Variants in GALNT13 observed in about 807,000 individuals in gnomAD.
GALNT13 encodes the protein UDP-GalNAc:polypeptide N-acetylgalactosaminyltransferase 13.
In GALNT13, 28 loss-of-function variants were observed where a neutral mutation model predicts 64.2. That is an observed-to-expected ratio of 0.44 (90% CI 0.32 to 0.60). GALNT13 has a LOEUF of 0.60. Ranked by LOEUF, GALNT13 falls within the 20% of genes least tolerant of loss-of-function variation. The pLI, the probability that GALNT13 is intolerant of heterozygous loss-of-function variation, is 0.05. For missense variants in GALNT13, 577 were observed against 669.8 expected (o/e 0.86, Z 1.53); for synonymous variants, 214 against 224.6 (o/e 0.95, Z 0.42).
intron 3 of GALNT13, among the ~76,000 whole-genome samples, chr2:153,975,230 A>G (rs1694001702): frequency 1.3e-5 from 2 of 152,024 alleles, no homozygotes; most frequent in Admixed American, 1.3e-4. Context: ...GTGATTATTC[A>G]TTCCTAACAA....
chr2:153,345,731 T>G, the GALNT13 span, among the ~76,000 whole-genome samples: 107 of 136,838 alleles, frequency 7.8e-4, 2 homozygotes, highest in Middle Eastern at 3.6e-3. Context: ...CCTTCCTTCC[T>G]TCCTTCCTTC....
chr2:153,670,482 C>A, the GALNT13 span, among the ~76,000 whole-genome samples: 1 of 152,186 alleles, frequency 6.6e-6, no homozygotes, highest in African/African-American at 2.4e-5. Context: ...GGAAAACTAA[C>A]AAACAGAAAG....
the GALNT13 span, among the ~76,000 whole-genome samples, chr2:153,168,612 GT>G: frequency 6.6e-6 from 1 of 152,144 alleles, no homozygotes; most frequent in Non-Finnish European, 1.5e-5. Context: ...TAATAATACT[GT>G]TGTTTACTCT....
chr2:153,248,719 G>A, the GALNT13 span, among the ~76,000 whole-genome samples: 1 of 151,652 alleles, frequency 6.6e-6, no homozygotes, highest in Non-Finnish European at 1.5e-5. Flanking sequence ...AGGAGGCTGA[G>A]GCAGGATAAT....
the GALNT13 span, among the ~76,000 whole-genome samples, chr2:153,274,750 G>A: frequency 4.6e-5 from 7 of 152,180 alleles, no homozygotes; most frequent in East Asian, 3.9e-4. Context: ...TTGAAGTCAC[G>A]TTTTTAAATA....
At chr2:153,264,337 T>C in the GALNT13 span, among the ~76,000 whole-genome samples, 13 of 152,150 alleles carry the variant, frequency 8.5e-5, no homozygotes, top group African/African-American at 3.1e-4. Context: ...ACACTGTTGG[T>C]GGGAATGTAA....
chr2:153,878,998 C>A (rs1301629571), intron 1 of GALNT13, among the ~76,000 whole-genome samples: 1 of 152,080 alleles, frequency 6.6e-6, no homozygotes, highest in Admixed American at 6.6e-5. Flanking sequence ...TGTTCAGGTC[C>A]CACTGATACA....
chr2:154,212,898 G>C (rs953429727), intron 4 of GALNT13, among the ~76,000 whole-genome samples: 3 of 151,678 alleles, frequency 2.0e-5, no homozygotes, highest in African/African-American at 7.3e-5. Flanking sequence ...AATCTCAATG[G>C]TAGAAATAGA....
At chr2:153,198,790 T>G in the GALNT13 span, among the ~76,000 whole-genome samples, 1 of 152,324 alleles carries the variant, frequency 6.6e-6, no homozygotes, top group Admixed American at 6.5e-5. Flanking sequence ...AGATATCACC[T>G]TCCTCAGAAA....
chr2:154,024,357 TCA>T (rs2105288038), intron 3 of GALNT13, among the ~76,000 whole-genome samples: 1 of 152,332 alleles, frequency 6.6e-6, no homozygotes, highest in South Asian at 2.1e-4. Flanking sequence ...TTTGGTCTTT[TCA>T]CATAGTCCCA....
intron 8 of GALNT13, among the ~76,000 whole-genome samples, chr2:154,295,842 A>G (rs1238017212): frequency 1.3e-5 from 2 of 152,178 alleles, no homozygotes; most frequent in Non-Finnish European, 2.9e-5. Context: ...GAAGGCTAGA[A>G]AAACGGCAGG....
chr2:153,136,204 T>C, the GALNT13 span, among the ~76,000 whole-genome samples: 2 of 152,176 alleles, frequency 1.3e-5, no homozygotes, highest in East Asian at 3.9e-4. Flanking sequence ...ATTACCTTGC[T>C]TTAGAGATAA....
chr2:153,887,648 C>G (rs1032103366), intron 1 of GALNT13, among the ~76,000 whole-genome samples: 21 of 151,916 alleles, frequency 1.4e-4, no homozygotes, highest in Non-Finnish European at 7.4e-5. Flanking sequence ...AAAAGTGCAT[C>G]TAGCTGAGAA....
intron 3 of GALNT13, among the ~76,000 whole-genome samples, chr2:154,085,936 T>A (rs897154206): frequency 6.6e-6 from 1 of 151,674 alleles, no homozygotes; most frequent in East Asian, 1.9e-4. Context: ...CGTAAAAAAA[T>A]AAAGTATGTT....
At chr2:153,090,859 C>G in the GALNT13 span, among the ~76,000 whole-genome samples, 1 of 152,102 alleles carries the variant, frequency 6.6e-6, no homozygotes. Context: ...GAGACCTTGG[C>G]TACCTCTGCT....
chr2:154,442,381 C>T (rs1227899130), intron 12 of GALNT13, among the ~76,000 whole-genome samples: 1 of 152,056 alleles, frequency 6.6e-6, no homozygotes, highest in Non-Finnish European at 1.5e-5. Context: ...TAGTTTCTCA[C>T]ACCCCTAACT....
chr2:153,265,085 C>T, the GALNT13 span, among the ~76,000 whole-genome samples: 1 of 152,188 alleles, frequency 6.6e-6, no homozygotes, highest in Admixed American at 6.5e-5. Context: ...TTCTCTTCTT[C>T]TGAAACAGAG....
intron 3 of GALNT13, among the ~76,000 whole-genome samples, chr2:153,990,459 A>G (rs1695088295): frequency 6.6e-6 from 1 of 152,138 alleles, no homozygotes; most frequent in South Asian, 2.1e-4. Context: ...TAAGTGAGTA[A>G]CTAATATGCA....
At chr2:153,401,108 A>G in the GALNT13 span, among the ~76,000 whole-genome samples, 1 of 151,950 alleles carries the variant, frequency 6.6e-6, no homozygotes, top group Non-Finnish European at 1.5e-5. Context: ...TGTGTCCCAG[A>G]GATTCTGGTA....
Sources: gnomAD v4.1 joint callset for allele counts (sites outside exome capture counted in the v4.1 genomes callset) on GRCh38, gnomAD v4.1.1 for gene constraint, MANE v1.5 for transcripts, NCBI Gene and HGNC (gene_info 2026-07-23, HGNC 2026-07-21) for gene names.